Variants in TSC1 observed in about 807,000 individuals in gnomAD.
TSC1 encodes the protein hamartin.
TSC1 carries 20 observed loss-of-function variants against 124.3 expected under a neutral mutation model. That is an observed-to-expected ratio of 0.16 (90% CI 0.11 to 0.23). The LOEUF (loss-of-function observed/expected upper bound fraction) is 0.23, where lower values mean the gene tolerates loss of function less well. TSC1 is among the 10% of genes least tolerant of loss of function. The pLI is 1.00. For synonymous variants in TSC1, 493 were observed against 539.1 expected (o/e 0.91, Z 1.19); for missense variants, 1,124 against 1,448.5 (o/e 0.78, Z 3.64).
intron 20 of TSC1, among the ~76,000 whole-genome samples, chr9:132,898,502 G>A (rs1447759384): frequency 6.6e-6 from 1 of 152,210 alleles, no homozygotes; most frequent in Non-Finnish European, 1.5e-5. Context: ...ATGCTGTCTG[G>A]TAAGCCCAAT....
At position 132,897,191 on chromosome 9, in the gene TSC1, C is replaced by T. The variant is rs200398750; in HGVS notation, c.2968G>A (p.Glu990Lys). ...EEKAEAAEAA[E>K]ERLDCCNDGC... The stretch of plus-strand genomic sequence containing the variant: ...TCAGTTCTTTGTTCCTACCTTTCTT[C>T]TGCTGCTTCAGCTGCTTCTGCTTTT... The change falls in exon 22 of 23, where the codon GAA (glutamate) becomes AAA (lysine). Residue 990 changes from glutamate (E) to lysine (K), a missense_variant. Coordinates refer to ENST00000298552, the MANE Select transcript of TSC1 (RefSeq NM_000368.5). The T allele has an allele frequency of 3.1e-5, 50 of 1,614,052 alleles. No homozygotes were observed. Among genetic ancestry groups the T allele is most frequent in the Non-Finnish European group, 3.4e-6 (4 of 1,180,052 alleles).
rs765578482 is a variant in TSC1 at position 132,925,737 on chromosome 9, G to T, written c.213C>A (p.His71Gln). The T allele has an allele frequency of 1.2e-6, 2 of 1,614,038 alleles. No individual in the cohort carries two copies. Residue 71 changes from histidine to glutamine, a missense_variant and splice_region_variant, in exon 5 of 23, where the codon CAC becomes CAA. By Grantham distance (24) the His-to-Gln change is conservative (BLOSUM62 0). Transcript: ENST00000298552. The part of the protein sequence containing the change: ...LTTLQEPHDK[H>Q]LLDRINEYVG... ...CATATTCGTTAATCCTGTCCAAGAGGTGCTGAAAATGTAAAAGAACAAGGG... is the reference window on the plus strand; with the variant it reads ...CATATTCGTTAATCCTGTCCAAGAGTTGCTGAAAATGTAAAAGAACAAGGG...
intron 8 of TSC1, among the ~76,000 whole-genome samples, chr9:132,914,986 G>T (rs762111827): frequency 1.3e-5 from 2 of 152,102 alleles, no homozygotes; most frequent in Admixed American, 6.5e-5. Context: ...ACCAGCCTGG[G>T]CAACAAAGTG....
Position 132,937,692 on chromosome 9 carries a change from G to A in TSC1, c.-143-2597C>T, listed in dbSNP as rs139254486. Among the ~76,000 whole-genome samples, 178 of 152,230 alleles carry A rather than the reference G, an allele frequency of 1.2e-3. 1 individual carries two copies. The highest frequency in any genetic ancestry group is 4.1e-3 in the African/African-American group (172 of 41,554). On this transcript the variant is annotated intron_variant, in intron 1 of 22. Transcript: ENST00000298552. ...TACTCTAGGAAAGCAGAGTGGTTTTGTTGTTGGTGGTTGGTTTTTTTGTTT... is the reference window on the plus strand; with the variant it reads ...TACTCTAGGAAAGCAGAGTGGTTTTATTGTTGGTGGTTGGTTTTTTTGTTT...
rs1458137414 is a variant in TSC1, at chr9:132,903,672, C to T, written c.2187G>A (p.Leu729=). ...LLRKVIKAAA[L]EEHNAAMKDQ... ...TCACCATGGCAGCATTATGTTCCTC[C>T]AGAGCTGCTGCTTTGATCACCTTGC... The change falls in exon 17 of 23, where the codon CTG becomes CTA. Residue 729 remains leucine (L), a synonymous_variant. Transcript: ENST00000298552. The surrounding 1 kb of genome is among the most constrained non-coding windows in gnomAD (Gnocchi z 5.9). The T allele has an allele frequency of 6.2e-7, 1 of 1,612,558 alleles. No individual in the cohort carries two copies. Among genetic ancestry groups the T allele is most frequent in the African/African-American group, 1.3e-5 (1 of 75,018 alleles).
intron 2 of TSC1, among the ~76,000 whole-genome samples, chr9:132,929,663 T>C (rs573753822): frequency 6.6e-6 from 1 of 152,326 alleles, no homozygotes; most frequent in South Asian, 2.1e-4. Context: ...ACATTTACGA[T>C]TTCTCCCCCA....
At chr9:132,944,931 A>T, upstream of TSC1, 19 of 125,998 alleles carry the variant, frequency 1.5e-4, no homozygotes, top group East Asian at 3.1e-4. Flanking sequence ...CGAGAGCCCG[A>T]GGGGGCGGGG....
chr9:132,912,503 GAATT>G lies in TSC1; in HGVS notation c.738-50_738-47del, dbSNP rs1258492030. The G allele has an allele frequency of 8.1e-6, 13 of 1,608,976 alleles. No individual in the cohort carries two copies. The Admixed American group carries it at 2.2e-4, about 27-fold the overall frequency. ...CAAGAAATGCAAACTGTAATCAACT[GAATT>G]AAATACTTCAGAGTGTCAACTCAGT... On this transcript the variant is annotated intron_variant, in intron 8 of 22. Transcript: ENST00000298552.
intron 20 of TSC1, chr9:132,900,420 T>C (rs899384412): frequency 1.2e-5 from 5 of 419,374 alleles, no homozygotes; most frequent in Admixed American, 7.0e-5. Context: ...TCTTTTTCTC[T>C]CTCCCTCTTT....
At chr9:132,926,973 A>C in intron 4 of TSC1, 1 of 508,224 alleles carries the variant, frequency 2.0e-6, no homozygotes, top group Admixed American at 3.0e-5. Flanking sequence ...CACCCGGCCC[A>C]AACAAGATCT....
chr9:132,922,292 A>T (rs1311293249), intron 6 of TSC1, among the ~76,000 whole-genome samples: 1 of 152,118 alleles, frequency 6.6e-6, no homozygotes, highest in East Asian at 1.9e-4. Context: ...CATTCTCACA[A>T]TACTGAACTA....
Position 132,893,286 on chromosome 9 carries a change from T to A in TSC1, c.*2949A>T, listed in dbSNP as rs886063588. 7 of 233,216 alleles carry A rather than the reference T, an allele frequency of 3.0e-5. No individual in the cohort carries two copies. The highest frequency in any genetic ancestry group is 1.8e-4 in the South Asian group (1 of 5,534). The allele number at this position is 233,216 out of a possible 1,614,324, so 14.4% of individuals were successfully genotyped here. On this transcript the variant is annotated 3_prime_UTR_variant, in exon 23 of 23. Coordinates refer to ENST00000298552, the MANE Select transcript of TSC1 (RefSeq NM_000368.5). ...GTCCTAAAACTCATCTCCAAGGACA[T>A]CTTTCACAACTTCTCCATCTAAGAA...
At chr9:132,939,569 C>A (rs1051555365) in intron 1 of TSC1, among the ~76,000 whole-genome samples, 1 of 152,170 alleles carries the variant, frequency 6.6e-6, no homozygotes, top group Non-Finnish European at 1.5e-5. Flanking sequence ...TTTGGTAAGG[C>A]GTATCTCTTC....
At chr9:132,917,796 T>C (rs564911287) in intron 8 of TSC1, among the ~76,000 whole-genome samples, 2 of 152,240 alleles carry the variant, frequency 1.3e-5, no homozygotes, top group African/African-American at 4.8e-5. Context: ...AAATGTTTAT[T>C]TTGGCTATCA....
In TSC1 at chr9:132,902,498, T is replaced by G; in HGVS notation, c.2391+107A>C. ...GATTTCAGAGAGAAAAGCATTCAGC[T>G]TAGTAAAGCTGAACAAGTCAAGGAC... On this transcript the variant is annotated intron_variant, in intron 18 of 22. Coordinates refer to ENST00000298552, the MANE Select transcript of TSC1 (RefSeq NM_000368.5). This position sits in a 1 kb window ranked among gnomAD's most constrained non-coding sequence, Gnocchi z 5.2. 7.4e-7 allele frequency: 1 copy of G among 1,348,982 alleles called. No homozygotes were observed. Among genetic ancestry groups the G allele is most frequent in the South Asian group, 1.2e-5 (1 of 85,088 alleles). 83.6% of individuals were successfully genotyped at this position (1,348,982 alleles called of 1,614,324 possible).
intron 4 of TSC1, chr9:132,926,022 A>G: frequency 2.2e-6 from 1 of 447,970 alleles, no homozygotes; most frequent in Non-Finnish European, 4.1e-6. Context: ...CTCAATAACC[A>G]ACAGTCCCAA....
At chr9:132,898,233 G>A (rs1369724272) in intron 20 of TSC1, among the ~76,000 whole-genome samples, 3 of 152,218 alleles carry the variant, frequency 2.0e-5, no homozygotes, top group Non-Finnish European at 4.4e-5. Flanking sequence ...TGGATGCCCT[G>A]ACAAGGTTTG....
At chr9:132,929,695 T>C (rs1029893762) in intron 2 of TSC1, among the ~76,000 whole-genome samples, 5 of 152,220 alleles carry the variant, frequency 3.3e-5, no homozygotes, top group African/African-American at 1.2e-4. Flanking sequence ...GAGGCTATAT[T>C]TGTTAAAACA....
Position 132,891,663 on chromosome 9 carries a change from G to A in TSC1, c.*4572C>T, listed in dbSNP as rs1236207867. ...TTTAAACTGCAAGTTTGCCACACAT[G>A]GTTCATTCATGATTGAGTTATAAAA... is the stretch of plus-strand genomic sequence containing the variant. On this transcript the variant is annotated 3_prime_UTR_variant, in exon 23 of 23. Coordinates refer to ENST00000298552, the MANE Select transcript of TSC1 (RefSeq NM_000368.5). 1.3e-5 allele frequency: 3 copies of A among 233,558 alleles called. No homozygotes were observed. Among genetic ancestry groups the A allele is most frequent in the Non-Finnish European group, 2.5e-5 (3 of 118,000 alleles). 14.5% of individuals were successfully genotyped at this position (233,558 alleles called of 1,614,324 possible). A position where few individuals can be genotyped will look rare whatever the true frequency, so the allele number is the denominator to read the frequency against.
Sources: gnomAD v4.1 joint callset for allele counts (sites outside exome capture counted in the v4.1 genomes callset) on GRCh38, gnomAD v4.1.1 for gene constraint, Gnocchi (gnomAD v3.1) non-coding constraint, MANE v1.5 for transcripts, NCBI Gene and HGNC (gene_info 2026-07-23, HGNC 2026-07-21) for gene names.